The following ELOC variants were observed in gnomAD, a reference collection of about 807,000 sequenced individuals.
ELOC encodes the protein elongin-C.
For synonymous variants in ELOC, 40 were observed against 51.3 expected, an observed-to-expected ratio of 0.78 and a Z score of 0.94; for missense variants, 38 against 139.0, an observed-to-expected ratio of 0.27 and a Z score of 3.65.
At chr8:73,959,881 T>C in intron 1 of ELOC, 63 bp from the exon 2 acceptor site, 1 of 842,502 alleles carries the variant, frequency 1.2e-6, no homozygotes, top group East Asian at 3.0e-5. Context: ...CATTCACTGT[T>C]ATTTAATGTC....
At position 73,946,762 on chromosome 8, in the gene ELOC, C is replaced by T; in HGVS notation, c.207G>A (p.Val69=). 1 of 1,613,428 alleles carries T rather than the reference C, an allele frequency of 6.2e-7. No individual in the cohort carries two copies. The highest frequency in any genetic ancestry group is 8.5e-7 in the Non-Finnish European group (1 of 1,179,686). The change falls in exon 4 of 4, where the codon GTG becomes GTA. Residue 69 remains valine, a synonymous_variant. Transcript: ENST00000520242. ...TAAAATACATGCATACTTTCGATAG[C>T]ACATGTGAAGGTATCTCTCTAAAAT... ...EVNFREIPSH[V]LSKVCMYFTY...
At chr8:73,959,983 T>C (rs1047264257) in intron 1 of ELOC, among the ~76,000 whole-genome samples, 165 bp from the exon 2 acceptor site, 1 of 152,234 alleles carries the variant, frequency 6.6e-6, no homozygotes, top group Non-Finnish European at 1.5e-5. Context: ...ATAAAATCAA[T>C]TGAAGAATAC....
chr8:73,946,820 C>G lies in ELOC; in HGVS notation c.149G>C (p.Gly50Ala), dbSNP rs1229868223. The G allele has an allele frequency of 6.2e-7, 1 of 1,602,918 alleles. No individual in the cohort carries two copies. Among genetic ancestry groups the G allele is most frequent in the Non-Finnish European group, 8.5e-7 (1 of 1,173,448 alleles). Residue 50 changes from glycine (G) to alanine (A), a missense_variant and splice_region_variant, in exon 4 of 4, where the codon GGT (glycine) becomes GCT (alanine). Physicochemically the swap from Gly to Ala is moderately conservative, Grantham distance 60. Transcript: ENST00000520242. ...ATTGGTTTCGTTCTCAGCAAACTGA[C>G]CTGTAAAACAAAAGAATTATGTATG... The part of the protein sequence containing the change: ...GTIKAMLSGP[G>A]QFAENETNEV...
chr8:73,953,641 C>T lies in ELOC; in HGVS notation c.148+2270G>A, dbSNP rs540263726. On this transcript the variant is annotated intron_variant, in intron 3 of 3. Transcript: ENST00000520242. ...CACCATTGCACTGCAGCCTGGGCAA[C>T]GAGAGTGAAACTCTGTCTCAAAAAA... Among the ~76,000 whole-genome samples the T allele has an allele frequency of 3.3e-5, 5 of 150,522 alleles. No individual in the cohort carries two copies. In the South Asian group the frequency reaches 8.4e-4, roughly 25 times the overall value.
chr8:73,965,369 T>C (rs1433228881), intron 1 of ELOC, among the ~76,000 whole-genome samples: 3 of 150,420 alleles, frequency 2.0e-5, no homozygotes, highest in Non-Finnish European at 1.5e-5. Context: ...TGAATTCTCA[T>C]ACACTGCTGA....
At chr8:73,962,132 G>C (rs1172848474) in intron 1 of ELOC, among the ~76,000 whole-genome samples, 2 of 152,196 alleles carry the variant, frequency 1.3e-5, no homozygotes, top group Non-Finnish European at 1.5e-5. Context: ...CTGACCTCAA[G>C]TGATCCACCC....
At chr8:73,967,681 T>C (rs978160827) in intron 1 of ELOC, among the ~76,000 whole-genome samples, 4 of 152,166 alleles carry the variant, frequency 2.6e-5, no homozygotes, top group African/African-American at 7.2e-5. Context: ...TTGGTCAGGC[T>C]GGTCTCAAAC....
rs1813343815 is a variant in ELOC at position 73,945,755 on chromosome 8, A to T, written c.*875T>A. ...TGTTATTCCATAACATTCTAATTGG[A>T]TGGAGAAAGACTGGAATAGTTCAAA... On this transcript the variant is annotated 3_prime_UTR_variant, in exon 4 of 4. Coordinates refer to ENST00000520242, the MANE Select transcript of ELOC (RefSeq NM_005648.4). 1 of 152,186 alleles carries T rather than the reference A, an allele frequency of 6.6e-6. No individual in the cohort carries two copies. The highest frequency in any genetic ancestry group is 6.6e-5 in the Admixed American group (1 of 15,266). 9.4% of individuals were successfully genotyped at this position (152,186 alleles called of 1,614,324 possible). A position where few individuals can be genotyped will look rare whatever the true frequency, so the allele number is the denominator to read the frequency against.
chr8:73,963,094 C>T (rs1331767691), intron 1 of ELOC, among the ~76,000 whole-genome samples: 1 of 152,164 alleles, frequency 6.6e-6, no homozygotes, highest in African/African-American at 2.4e-5. Flanking sequence ...AGAGCATGAA[C>T]AATGGCCTGA....
At chr8:73,954,741 C>A (rs1814033093) in intron 3 of ELOC, among the ~76,000 whole-genome samples, 1 of 150,458 alleles carries the variant, frequency 6.6e-6, no homozygotes, top group Non-Finnish European at 1.5e-5. Flanking sequence ...GGTTAAAAGG[C>A]TGACTATGGG....
chr8:73,962,187 T>C (rs1227031477), intron 1 of ELOC, among the ~76,000 whole-genome samples: 2 of 152,170 alleles, frequency 1.3e-5, no homozygotes, highest in African/African-American at 2.4e-5. Flanking sequence ...TGAGCCACTG[T>C]GCCTGGCCTA....
intron 2 of ELOC, among the ~76,000 whole-genome samples, chr8:73,957,982 G>A (rs1044157070): frequency 2.0e-5 from 3 of 151,870 alleles, no homozygotes; most frequent in Non-Finnish European, 2.9e-5. Context: ...TCACCATGTT[G>A]GTCAGGATGT....
intron 1 of ELOC, 54 bp from the exon 2 acceptor site, chr8:73,959,872 A>G: frequency 1.1e-6 from 1 of 937,960 alleles, no homozygotes. Flanking sequence ...ACAAGTTTTC[A>G]TTCACTGTTA....
intron 3 of ELOC, among the ~76,000 whole-genome samples, chr8:73,955,149 A>AT (rs35073507): frequency 1.5e-3 from 224 of 151,992 alleles, no homozygotes; most frequent in African/African-American, 5.1e-3. Context: ...GCAGAAATCA[A>AT]TTTTTTTTCC....
In ELOC at chr8:73,946,436, G is replaced by A; in HGVS notation, c.*194C>T. On this transcript the variant is annotated 3_prime_UTR_variant, in exon 4 of 4. Coordinates refer to ENST00000520242, the MANE Select transcript of ELOC (RefSeq NM_005648.4). ...TGTTTATTTCTCAGTTTGTGAAAAT[G>A]TCCTTAATTTGTTGATGTAGCAAAC... 1 of 468,882 alleles carries A rather than the reference G, an allele frequency of 2.1e-6. No homozygotes were observed. The highest frequency in any genetic ancestry group is 3.7e-6 in the Non-Finnish European group (1 of 267,522). The allele number at this position is 468,882 out of a possible 1,614,324, so 29.0% of individuals were successfully genotyped here.
chr8:73,966,887 T>A (rs1815015374), intron 1 of ELOC, among the ~76,000 whole-genome samples: 1 of 152,206 alleles, frequency 6.6e-6, no homozygotes, highest in Non-Finnish European at 1.5e-5. Context: ...TTTGCTGCTA[T>A]CATTTCTGAA....
chr8:73,961,208 T>C (rs1464599000), intron 1 of ELOC, among the ~76,000 whole-genome samples: 2 of 152,208 alleles, frequency 1.3e-5, no homozygotes, highest in African/African-American at 4.8e-5. Context: ...GGGGATCTCA[T>C]TTATACTGAT....
chr8:73,970,006 C>T (rs1815246637), intron 1 of ELOC, among the ~76,000 whole-genome samples: 1 of 152,158 alleles, frequency 6.6e-6, no homozygotes, highest in African/African-American at 2.4e-5. Context: ...ATGACCATAG[C>T]TGGCCAGATT....
chr8:73,956,017 A>G lies in ELOC; in HGVS notation c.42T>C (p.Pro14=). ...EEKTYGGCEG[P]DAMYVKLISS... ...ATATCAATTTGACATACATGGCATCAGGTCCTTCACAGCCACCATAGGTTT... is the reference window on the plus strand; with the variant it reads ...ATATCAATTTGACATACATGGCATCGGGTCCTTCACAGCCACCATAGGTTT... The change falls in exon 3 of 4, where the codon CCT becomes CCC. Residue 14 remains proline, a synonymous_variant. Coordinates refer to ENST00000520242, the MANE Select transcript of ELOC (RefSeq NM_005648.4). 6.2e-7 allele frequency: 1 copy of G among 1,613,832 alleles called. No individual in the cohort carries two copies. Among genetic ancestry groups the G allele is most frequent in the Non-Finnish European group, 8.5e-7 (1 of 1,179,844 alleles).
Sources: gnomAD v4.1 joint callset for allele counts (sites outside exome capture counted in the v4.1 genomes callset) on GRCh38, gnomAD v4.1.1 for gene constraint, MANE v1.5 for transcripts, NCBI Gene and HGNC (gene_info 2026-07-23, HGNC 2026-07-21) for gene names.